BRI3BP: variants seen among roughly 807,000 people sequenced by gnomAD.
The protein encoded by BRI3BP is BRI3 binding protein.
In BRI3BP, 7 loss-of-function variants were observed where a neutral mutation model predicts 15.8. That is an observed-to-expected ratio of 0.44 (90% CI 0.25 to 0.83). The LOEUF is 0.83. BRI3BP is among the 40% of genes least tolerant of loss of function. The pLI, the probability that BRI3BP is intolerant of heterozygous loss-of-function variation, is 0.20. For missense variants in BRI3BP, 320 were observed against 339.3 expected (o/e 0.94, Z 0.45); for synonymous variants, 192 against 163.5 (o/e 1.17, Z -1.33).
At chr12:125,011,906 C>G (rs933347981) in intron 1 of BRI3BP, among the ~76,000 whole-genome samples, 1 of 152,098 alleles carries the variant, frequency 6.6e-6, no homozygotes, top group East Asian at 1.9e-4. Context: ...GAGAAACCCG[C>G]AGGGTGCGGT....
chr12:125,008,383 G>T (rs1215483511), intron 1 of BRI3BP, among the ~76,000 whole-genome samples: 1 of 146,838 alleles, frequency 6.8e-6, no homozygotes, highest in Non-Finnish European at 1.5e-5. Context: ...CGCGATCTCG[G>T]CTCACTGCAA....
At position 125,025,697 on chromosome 12, in the gene BRI3BP, G is replaced by T; in HGVS notation, c.*267G>T. The T allele has an allele frequency of 1.4e-5, 5 of 367,790 alleles. No homozygotes were observed. The highest frequency in any genetic ancestry group is 4.1e-5 in the African/African-American group (2 of 48,596). 22.8% of individuals were successfully genotyped at this position (367,790 alleles called of 1,614,324 possible). A position where few individuals can be genotyped will look rare whatever the true frequency, so the allele number is the denominator to read the frequency against. ...ACAAAGGATATAACCATATTTAGTTGTACAGTAAGAGAAATTTATCTGTGC... is the reference window on the plus strand; with the variant it reads ...ACAAAGGATATAACCATATTTAGTTTTACAGTAAGAGAAATTTATCTGTGC... On this transcript the variant is annotated 3_prime_UTR_variant, in exon 3 of 3. Coordinates refer to ENST00000341446, the MANE Select transcript of BRI3BP (RefSeq NM_080626.6).
chr12:125,001,013 C>G (rs993435257), intron 1 of BRI3BP, among the ~76,000 whole-genome samples: 2 of 152,144 alleles, frequency 1.3e-5, no homozygotes, highest in African/African-American at 2.4e-5. Flanking sequence ...TCAGAGTTTC[C>G]TCACTTTTGG....
chr12:125,044,151 TG>T, the BRI3BP span, among the ~76,000 whole-genome samples: 4 of 150,204 alleles, frequency 2.7e-5, no homozygotes, highest in African/African-American at 7.3e-5. Flanking sequence ...TTGTTTTGGT[TG>T]TTTTTTTGTG....
rs1955385269 is a variant in BRI3BP at position 125,029,215 on chromosome 12, C to T, written c.*3785C>T. 1 of 151,948 alleles carries T rather than the reference C, an allele frequency of 6.6e-6. No homozygotes were observed. The highest frequency in any genetic ancestry group is 2.4e-5 in the African/African-American group (1 of 41,374). The allele number at this position is 151,948 out of a possible 1,614,324, so 9.4% of individuals were successfully genotyped here. On this transcript the variant is annotated 3_prime_UTR_variant, in exon 3 of 3. Coordinates refer to ENST00000341446, the MANE Select transcript of BRI3BP (RefSeq NM_080626.6). ...ATGCTTTTGTGGAGTGCAAACCTTT[C>T]ATAAATATACTTTCCAGGCTGGGTG...
chr12:124,996,615 C>T (rs1490283499), intron 1 of BRI3BP, among the ~76,000 whole-genome samples: 2 of 152,092 alleles, frequency 1.3e-5, no homozygotes, highest in African/African-American at 4.8e-5. Flanking sequence ...CGTAAGCCAC[C>T]GTGCCCAGCC....
Position 124,993,995 on chromosome 12 carries a change from G to A in BRI3BP, c.205G>A (p.Ala69Thr), listed in dbSNP as rs1391164542. The A allele has an allele frequency of 4.5e-6, 6 of 1,345,784 alleles. No homozygotes were observed. The highest frequency in any genetic ancestry group is 3.2e-5 in the East Asian group (1 of 31,020). 83.4% of individuals were successfully genotyped at this position (1,345,784 alleles called of 1,614,324 possible). ...GTTCGGCGAGGACAACGTGCGCGCC[G>A]CTCAGAAGGTGGGCGCCGGGCCCGC... is the stretch of plus-strand genomic sequence containing the variant. ...SLFGEDNVRA[A>T]QKFLARLTER... The change falls in exon 1 of 3, where the codon GCT becomes ACT. Residue 69 changes from alanine (A) to threonine (T), a missense_variant. Physicochemically the swap from Ala to Thr is moderately conservative, Grantham distance 58 (BLOSUM62 0). Transcript: ENST00000341446.
At chr12:125,031,721 G>T (rs560946801), downstream of BRI3BP, among the ~76,000 whole-genome samples, 3 of 151,674 alleles carry the variant, frequency 2.0e-5, no homozygotes, top group African/African-American at 4.8e-5. Flanking sequence ...TAGAGATGGG[G>T]TTTCACCATG....
chr12:125,011,347 A>G (rs909781895), intron 1 of BRI3BP, among the ~76,000 whole-genome samples: 4 of 152,100 alleles, frequency 2.6e-5, no homozygotes, highest in Non-Finnish European at 4.4e-5. Flanking sequence ...GGGCCAGTAG[A>G]CCACTTGGTG....
At chr12:125,033,123 G>T (rs1346581671), downstream of BRI3BP, among the ~76,000 whole-genome samples, 1 of 152,158 alleles carries the variant, frequency 6.6e-6, no homozygotes, top group African/African-American at 2.4e-5. Flanking sequence ...TATGCCAAGG[G>T]CAAAGTTAAG....
In BRI3BP at chr12:125,028,631, G is replaced by T. The variant is rs1955377848; in HGVS notation, c.*3201G>T. 1 of 152,128 alleles carries T rather than the reference G, an allele frequency of 6.6e-6. No homozygotes were observed. The highest frequency in any genetic ancestry group is 2.1e-4 in the South Asian group (1 of 4,836). The allele number at this position is 152,128 out of a possible 1,614,324, so 9.4% of individuals were successfully genotyped here. On this transcript the variant is annotated 3_prime_UTR_variant, in exon 3 of 3. Transcript: ENST00000341446. ...GGTGTCACCTCAGGGTAGAAATTCT[G>T]ATAGAAATTCTGATTATTTGAAACT...
the BRI3BP span, among the ~76,000 whole-genome samples, chr12:125,050,326 G>A: frequency 6.6e-6 from 1 of 151,484 alleles, no homozygotes; most frequent in Non-Finnish European, 1.5e-5. Context: ...CTCCAGGTTG[G>A]GCAACAGAGC....
rs1280591020 is a variant in BRI3BP, at chr12:125,027,912, C to T, written c.*2482C>T. ...CCGTGTTAGCCAGGATGGTCTCGATCTCCTGACCTCGTGATCCGCCCGCCT... is the reference window on the plus strand; with the variant it reads ...CCGTGTTAGCCAGGATGGTCTCGATTTCCTGACCTCGTGATCCGCCCGCCT... On this transcript the variant is annotated 3_prime_UTR_variant, in exon 3 of 3. Transcript: ENST00000341446. 2.0e-5 allele frequency: 3 copies of T among 152,152 alleles called. No individual in the cohort carries two copies. Among genetic ancestry groups the T allele is most frequent in the Non-Finnish European group, 4.4e-5 (3 of 68,066 alleles). The allele number at this position is 152,152 out of a possible 1,614,324, so 9.4% of individuals were successfully genotyped here.
At position 125,008,424 on chromosome 12, in the gene BRI3BP, T is replaced by C. The variant is rs548250011; in HGVS notation, c.214-4110T>C. ...GCCTCCCGGGTTCACACCATTCTCC[T>C]TCTTCAGCCTCCTGTGTAGCTGGGA... is the stretch of plus-strand genomic sequence containing the variant. On this transcript the variant is annotated intron_variant, in intron 1 of 2. Transcript: ENST00000341446. Among the ~76,000 whole-genome samples the C allele has an allele frequency of 3.3e-5, 5 of 151,260 alleles. No homozygotes were observed. The South Asian group carries it at 1.1e-3, about 32-fold the overall frequency.
chr12:125,020,154 C>T (rs1049629822), intron 2 of BRI3BP, among the ~76,000 whole-genome samples: 3 of 151,910 alleles, frequency 2.0e-5, no homozygotes, highest in Non-Finnish European at 4.4e-5. Context: ...CCATATTGGT[C>T]AGGCTGGTCT....
chr12:125,012,512 G>T lies in BRI3BP; in HGVS notation c.214-22G>T. ...TGGAGGAAAACAGTGATTGGGTGAT[G>T]ACCGTTTTCTTGTTTCTGCAGTTCT... On this transcript the variant is annotated intron_variant, in intron 1 of 2. Transcript: ENST00000341446. The T allele has an allele frequency of 1.9e-6, 3 of 1,548,176 alleles. No individual in the cohort carries two copies. The South Asian group carries it at 3.3e-5, about 17-fold the overall frequency.
chr12:125,023,788 G>A (rs189833751), intron 2 of BRI3BP, among the ~76,000 whole-genome samples: 49 of 152,224 alleles, frequency 3.2e-4, no homozygotes, highest in Middle Eastern at 3.4e-3. Flanking sequence ...AAACATACCC[G>A]AGGCCAGGCG....
intron 1 of BRI3BP, among the ~76,000 whole-genome samples, chr12:125,008,072 C>G (rs894987706): frequency 1.4e-4 from 21 of 151,932 alleles, no homozygotes; most frequent in African/African-American, 5.1e-4. Context: ...GGATGGGGCC[C>G]TGAGAGTCTG....
rs1255892561 is a variant in BRI3BP, at chr12:125,029,564, A to G, written c.*4134A>G. ...AAAAAAAGTGTGTGTGTGTGTATAT[A>G]TATGTATATATATATACACACACAC... On this transcript the variant is annotated 3_prime_UTR_variant, in exon 3 of 3. Transcript: ENST00000341446. 7.0e-6 allele frequency: 1 copy of G among 142,604 alleles called. No individual in the cohort carries two copies. Among genetic ancestry groups the G allele is most frequent in the Non-Finnish European group, 1.5e-5 (1 of 67,132 alleles). The allele number at this position is 142,604 out of a possible 1,614,324, so 8.8% of individuals were successfully genotyped here.
Sources: gnomAD v4.1 joint callset for allele counts (sites outside exome capture counted in the v4.1 genomes callset) on GRCh38, gnomAD v4.1.1 for gene constraint, MANE v1.5 for transcripts, NCBI Gene and HGNC (gene_info 2026-07-23, HGNC 2026-07-21) for gene names.